IFT122: variants seen among roughly 807,000 people sequenced by gnomAD.
IFT122 encodes the protein intraflagellar transport protein 122 homolog.
A neutral mutation model predicts 161.6 loss-of-function variants in IFT122; 118 were observed. That is an observed-to-expected ratio of 0.73 (90% CI 0.63 to 0.85). The LOEUF is 0.85. IFT122 is among the 40% of genes least tolerant of loss of function. The pLI, the probability that IFT122 is intolerant of heterozygous loss-of-function variation, is 0.00. For synonymous variants in IFT122, 550 were observed against 602.4 expected, an observed-to-expected ratio of 0.91 and a Z score of 1.27; for missense variants, 1,381 against 1,579.6, an observed-to-expected ratio of 0.87 and a Z score of 2.13.
Position 129,500,163 on chromosome 3 carries a change from A to G in IFT122, c.2375+95A>G. On this transcript the variant is annotated intron_variant, in intron 19 of 29. Coordinates refer to ENST00000348417, the MANE Select transcript of IFT122 (RefSeq NM_052989.3). ...GGGAACCAATAGTGCTTTTCTAATTATCTAAAGCTAATGTGATAGTGGCTA... is the reference window on the plus strand; with the variant it reads ...GGGAACCAATAGTGCTTTTCTAATTGTCTAAAGCTAATGTGATAGTGGCTA... 17 of 1,412,080 alleles carry G rather than the reference A, an allele frequency of 1.2e-5. No homozygotes were observed. The South Asian group carries it at 1.9e-4, about 16-fold the overall frequency. The allele number at this position is 1,412,080 out of a possible 1,614,324, so 87.5% of individuals were successfully genotyped here.
At chr3:129,512,806 C>G in intron 24 of IFT122, 2 of 281,610 alleles carry the variant, frequency 7.1e-6, no homozygotes, top group Non-Finnish European at 1.4e-5. Context: ...ATAGCACCTT[C>G]TGTGCCCCAA....
At chr3:129,515,853 A>G (rs984377323) in intron 26 of IFT122, among the ~76,000 whole-genome samples, 4 of 152,162 alleles carry the variant, frequency 2.6e-5, no homozygotes, top group African/African-American at 9.7e-5. Context: ...TACATAACCA[A>G]ATGCCCCAGA....
rs575547054 is a variant in IFT122 at position 129,512,136 on chromosome 3, T to A, written c.2887-176T>A. 3.3e-5 allele frequency among the ~76,000 whole-genome samples: 5 copies of A among 152,352 alleles called. No homozygotes were observed. In the South Asian group the frequency reaches 1.0e-3, roughly 32 times the overall value. On this transcript the variant is annotated intron_variant, in intron 23 of 29. Coordinates refer to ENST00000348417, the MANE Select transcript of IFT122 (RefSeq NM_052989.3). ...AAATGCATACCACAAGGTTATTATG[T>A]TAAAGACCAGATGAGACAGTGGCTA...
chr3:129,440,453 G>A, intron 1 of IFT122, 82 bp downstream of exon 1: 3 of 1,491,388 alleles, frequency 2.0e-6, no homozygotes, highest in Non-Finnish European at 2.7e-6. Context: ...TGTTTGAGGG[G>A]GGCAGCGGGC....
At chr3:129,441,726 G>A (rs2073156410) in intron 1 of IFT122, among the ~76,000 whole-genome samples, 1 of 152,132 alleles carries the variant, frequency 6.6e-6, no homozygotes. Flanking sequence ...TTTTCCCTAG[G>A]AATAGTCTTG....
chr3:129,476,014 C>T (rs1338636571), intron 9 of IFT122: 1 of 450,942 alleles, frequency 2.2e-6, no homozygotes, highest in East Asian at 4.5e-5. Context: ...AAACCACCCA[C>T]AGTCTCCATC....
intron 25 of IFT122, 188 bp downstream of exon 25, chr3:129,514,742 A>C (rs1261930765): frequency 5.5e-6 from 4 of 723,768 alleles, no homozygotes; most frequent in Non-Finnish European, 9.5e-6. Flanking sequence ...TTCTCCCCGC[A>C]GTCCACCTGG....
At chr3:129,505,125 C>G (rs1319221435) in intron 21 of IFT122, among the ~76,000 whole-genome samples, 1 of 152,180 alleles carries the variant, frequency 6.6e-6, no homozygotes, top group Non-Finnish European at 1.5e-5. Context: ...GAGCACTTAA[C>G]CTATGTAACC....
At chr3:129,475,358 T>TA (rs1463925599) in intron 9 of IFT122, among the ~76,000 whole-genome samples, 20 of 152,006 alleles carry the variant, frequency 1.3e-4, no homozygotes, top group African/African-American at 4.8e-4. Context: ...AGTTTAAAAA[T>TA]AAAAAAATAT....
At position 129,492,142 on chromosome 3, in the gene IFT122, C is replaced by G. The variant is rs2080198536; in HGVS notation, c.1994C>G (p.Ala665Gly). 6.2e-7 allele frequency: 1 copy of G among 1,610,374 alleles called. No homozygotes were observed. The highest frequency in any genetic ancestry group is 8.5e-7 in the Non-Finnish European group (1 of 1,176,962). The change falls in exon 17 of 30, where the codon GCC (alanine) becomes GGC (glycine). Residue 665 changes from alanine (A) to glycine (G), a missense_variant and splice_region_variant. Physicochemically the swap from Ala to Gly is moderately conservative, Grantham distance 60 (BLOSUM62 0). Transcript: ENST00000348417. The part of the protein sequence containing the change: ...EGLDFETAKK[A>G]FIRVQDLRYL... ...TTATTCTTTATTTCTTCGCCACAGG[C>G]CTTCATCAGAGTACAAGACCTCCGA...
chr3:129,502,150 G>T (rs1013663674), intron 19 of IFT122, among the ~76,000 whole-genome samples: 1 of 152,208 alleles, frequency 6.6e-6, no homozygotes, highest in African/African-American at 2.4e-5. Flanking sequence ...AAGACTTCCT[G>T]CAGGCCTTTG....
chr3:129,503,629 G>A (rs891724471), intron 20 of IFT122, among the ~76,000 whole-genome samples: 1 of 152,112 alleles, frequency 6.6e-6, no homozygotes, highest in Non-Finnish European at 1.5e-5. Context: ...CCTTCACTGA[G>A]AGGAGCCGTC....
chr3:129,482,095 C>G (rs1384176903), intron 14 of IFT122, among the ~76,000 whole-genome samples: 1 of 152,252 alleles, frequency 6.6e-6, no homozygotes, highest in Admixed American at 6.5e-5. Context: ...CTGCCTGTGT[C>G]TATGCGCACC....
rs1302868103 is a variant in IFT122 at position 129,449,919 on chromosome 3, T to G, written c.90T>G (p.Ala30=). Residue 30 remains alanine, a synonymous_variant, in exon 2 of 30, where the codon GCT becomes GCG. Coordinates refer to ENST00000348417, the MANE Select transcript of IFT122 (RefSeq NM_052989.3). ...CTGATGGAACTCAACTGATTTTGGCTGCCGGAAGCAGATTACTGGTAGGAT... is the reference window on the plus strand; with the variant it reads ...CTGATGGAACTCAACTGATTTTGGCGGCCGGAAGCAGATTACTGGTAGGAT... ...FKPDGTQLIL[A]AGSRLLVYDT... is the part of the protein sequence containing the mutation. 6.2e-7 allele frequency: 1 copy of G among 1,612,468 alleles called. No homozygotes were observed. Among genetic ancestry groups the G allele is most frequent in the African/African-American group, 1.3e-5 (1 of 74,886 alleles).
chr3:129,477,508 T>A (rs1469503691), intron 11 of IFT122, among the ~76,000 whole-genome samples: 1 of 152,212 alleles, frequency 6.6e-6, no homozygotes, highest in Non-Finnish European at 1.5e-5. Context: ...ACCCTATCTT[T>A]TTGAAGATTC....
In IFT122 at chr3:129,495,567, T is replaced by G. The variant is rs2080733883; in HGVS notation, c.2168T>G (p.Leu723Arg). Reference protein sequence around the residue: ...YKRSGHENLALEMYTDLCMFE... With the variant: ...YKRSGHENLAREMYTDLCMFE... ...AGGAGTGGGCACGAGAACCTCGCGC[T>G]TGAAATGTACACCGACCTCTGCATG... The change falls in exon 18 of 30, where the codon CTT (leucine) becomes CGT (arginine). Residue 723 changes from leucine to arginine, a missense_variant. Physicochemically the swap from Leu to Arg is moderately radical, Grantham distance 102. This residue lies in a region of IFT122 where 496 missense variants were observed against 502.5 expected (regional missense o/e 0.99). Coordinates refer to ENST00000348417, the MANE Select transcript of IFT122 (RefSeq NM_052989.3). The G allele has an allele frequency of 6.2e-7, 1 of 1,614,074 alleles. No individual in the cohort carries two copies. The highest frequency in any genetic ancestry group is 1.1e-5 in the South Asian group (1 of 91,094).
At chr3:129,488,184 G>C in intron 15 of IFT122, 73 bp from the exon 16 acceptor site, 1 of 1,611,278 alleles carries the variant, frequency 6.2e-7, no homozygotes, top group South Asian at 1.1e-5. Context: ...CTGGAGGCAG[G>C]CTCTGTATGC....
intron 1 of IFT122, 104 bp from the exon 2 acceptor site, chr3:129,449,767 A>T: frequency 1.2e-6 from 1 of 824,152 alleles, no homozygotes; most frequent in Non-Finnish European, 2.2e-6. Context: ...TCTCCTCAGT[A>T]CACACACAGT....
intron 18 of IFT122, among the ~76,000 whole-genome samples, chr3:129,496,675 C>T (rs916571064): frequency 5.9e-5 from 9 of 152,146 alleles, no homozygotes; most frequent in African/African-American, 1.7e-4. Flanking sequence ...AGGACTTGGA[C>T]GAGCTCCTGG....
Sources: gnomAD v4.1 joint callset for allele counts (sites outside exome capture counted in the v4.1 genomes callset) on GRCh38, gnomAD v4.1.1 for gene constraint, gnomAD v4.1.1 regional missense constraint, MANE v1.5 for transcripts, NCBI Gene and HGNC (gene_info 2026-07-23, HGNC 2026-07-21) for gene names.